Variants in PRKAR1B observed in about 807,000 individuals in gnomAD.
PRKAR1B encodes cAMP-dependent protein kinase type I-beta regulatory subunit.
Under a neutral mutation model 46.5 loss-of-function variants are expected in PRKAR1B, and 22 were observed. The ratio of observed to expected loss-of-function variants is 0.47; its 90% CI spans 0.34 to 0.68. PRKAR1B has a LOEUF of 0.68. PRKAR1B is among the 30% of genes least tolerant of loss of function. PRKAR1B has a pLI of 0.01. For missense variants in PRKAR1B, 445 were observed against 535.6 expected, an observed-to-expected ratio of 0.83 and a Z score of 1.67; for synonymous variants, 259 against 217.7, an observed-to-expected ratio of 1.19 and a Z score of -1.67.
Position 714,559 on chromosome 7 carries a change from C to T in PRKAR1B, c.-22-3032G>A, listed in dbSNP as rs189545998. 1.8e-3 allele frequency among the ~76,000 whole-genome samples: 276 copies of T among 152,320 alleles called. No individual in the cohort carries two copies. The highest frequency in any genetic ancestry group is 6.4e-3 in the African/African-American group (265 of 41,566). ...ACTGCCTCTCTCTTTCACACTTTTCCCCGCCACTCAGATCCCTGTTCCAGT... is the reference window on the plus strand; with the variant it reads ...ACTGCCTCTCTCTTTCACACTTTTCTCCGCCACTCAGATCCCTGTTCCAGT... On this transcript the variant is annotated intron_variant, in intron 1 of 10. Coordinates refer to ENST00000537384, the MANE Select transcript of PRKAR1B (RefSeq NM_001164760.2). This position sits in a 1 kb window ranked among gnomAD's most constrained non-coding sequence, Gnocchi z 4.3.
intron 4 of PRKAR1B, among the ~76,000 whole-genome samples, chr7:627,081 G>A (rs1324715237): frequency 6.6e-6 from 1 of 152,134 alleles, no homozygotes; most frequent in Non-Finnish European, 1.5e-5. Flanking sequence ...CACCATGTTG[G>A]CCAGGATGGT....
At chr7:563,135 C>T (rs764696302) in intron 9 of PRKAR1B, among the ~76,000 whole-genome samples, 4 of 152,120 alleles carry the variant, frequency 2.6e-5, no homozygotes, top group Non-Finnish European at 4.4e-5. Context: ...ATCAAACATG[C>T]CCCCAGCCCT....
intron 4 of PRKAR1B, among the ~76,000 whole-genome samples, chr7:623,826 G>A (rs761427291): frequency 6.6e-6 from 1 of 152,228 alleles, no homozygotes; most frequent in Non-Finnish European, 1.5e-5. Context: ...GCATTGGAGA[G>A]AGAAGCGCGT....
intron 2 of PRKAR1B, among the ~76,000 whole-genome samples, chr7:681,900 A>G (rs1044656380): frequency 2.0e-5 from 3 of 152,190 alleles, no homozygotes; most frequent in African/African-American, 7.2e-5. Flanking sequence ...CAGCCTAAAC[A>G]CTGACCTCCA....
Position 617,077 on chromosome 7 carries a change from T to C in PRKAR1B, c.441-9625A>G, listed in dbSNP as rs539507817. Among the ~76,000 whole-genome samples the C allele has an allele frequency of 3.6e-3, 472 of 130,868 alleles. 2 individuals carry two copies. The highest frequency in any genetic ancestry group is 0.013 in the African/African-American group (441 of 35,152). The allele number at this position is 130,868 out of a possible 152,430, so 85.9% of individuals were successfully genotyped here. On this transcript the variant is annotated intron_variant, in intron 4 of 10. Transcript: ENST00000537384. Reference sequence around the variant, plus strand: ...GGCACGATCCCAGCTCACTGCAACCTCCACCTCCCAGGTTCAAGCAATTCT... The same window carrying C: ...GGCACGATCCCAGCTCACTGCAACCCCCACCTCCCAGGTTCAAGCAATTCT...
intron 4 of PRKAR1B, among the ~76,000 whole-genome samples, chr7:674,856 A>C (rs1786488512): frequency 6.6e-6 from 1 of 152,196 alleles, no homozygotes; most frequent in Non-Finnish European, 1.5e-5. Flanking sequence ...ATCCAGCCTG[A>C]ACCAGCCACA....
intron 4 of PRKAR1B, among the ~76,000 whole-genome samples, chr7:663,963 G>GC: frequency 6.6e-6 from 1 of 152,326 alleles, no homozygotes; most frequent in Admixed American, 6.5e-5. Context: ...ACCTGGGCAA[G>GC]CCCCCCGCTG....
intron 10 of PRKAR1B, among the ~76,000 whole-genome samples, chr7:550,900 C>A (rs905508963): frequency 6.6e-6 from 1 of 151,796 alleles, no homozygotes; most frequent in African/African-American, 2.4e-5. Context: ...GACCCAGACC[C>A]CCAGCTGCAG....
chr7:596,149 A>G lies in PRKAR1B; in HGVS notation c.705T>C (p.Leu235=). Residue 235 remains leucine (L), a synonymous_variant, in exon 7 of 11, where the codon CTT becomes CTC. Transcript: ENST00000537384. Reference sequence around the variant, plus strand: ...CTGTGCTTGGGCACCAACTCACCATAAGGATGCGCCGGTAGCTGTCCCGGT... The same window carrying G: ...CTGTGCTTGGGCACCAACTCACCATGAGGATGCGCCGGTAGCTGTCCCGGT... ...GIDRDSYRRI[L]MGSTLRKRKM... 1.2e-6 allele frequency: 2 copies of G among 1,612,956 alleles called. No homozygotes were observed. The highest frequency in any genetic ancestry group is 1.3e-5 in the African/African-American group (1 of 75,020).
At chr7:632,881 CACCCGT>C (rs1161026478) in intron 4 of PRKAR1B, among the ~76,000 whole-genome samples, 1 of 152,224 alleles carries the variant, frequency 6.6e-6, no homozygotes, top group Admixed American at 6.5e-5. Flanking sequence ...CGACGGCCGG[CACCCGT>C]CAGCCCTCCT....
Position 644,084 on chromosome 7 carries a change from G to C in PRKAR1B, c.440+33145C>G, listed in dbSNP as rs1784516564. ...GCTGCTACACGGCCCACTACACTAAGCCCTAAGTCTTCATCTTGCAGACAA... is the reference window on the plus strand; with the variant it reads ...GCTGCTACACGGCCCACTACACTAACCCCTAAGTCTTCATCTTGCAGACAA... On this transcript the variant is annotated intron_variant, in intron 4 of 10. Transcript: ENST00000537384. This position sits in a 1 kb window ranked among gnomAD's most constrained non-coding sequence, Gnocchi z 4.9. Among the ~76,000 whole-genome samples the C allele has an allele frequency of 6.6e-6, 1 of 152,094 alleles. No homozygotes were observed. The highest frequency in any genetic ancestry group is 1.5e-5 in the Non-Finnish European group (1 of 68,014).
chr7:586,233 C>T (rs1369401276), intron 7 of PRKAR1B, among the ~76,000 whole-genome samples: 1 of 152,196 alleles, frequency 6.6e-6, no homozygotes, highest in South Asian at 2.1e-4. Context: ...ATTTCTGTTA[C>T]ACCTGGCATG....
chr7:615,968 CAG>C (rs562708604), intron 4 of PRKAR1B, among the ~76,000 whole-genome samples: 18 of 148,142 alleles, frequency 1.2e-4, no homozygotes, highest in South Asian at 6.5e-4. Flanking sequence ...AAAAAAGAAA[CAG>C]AAAGAGAGAA....
At chr7:680,920 G>C (rs76035365) in intron 2 of PRKAR1B, among the ~76,000 whole-genome samples, 194 bp from the exon 3 acceptor site, 4 of 152,056 alleles carry the variant, frequency 2.6e-5, no homozygotes, top group African/African-American at 9.7e-5. Context: ...ATTTCACTTT[G>C]TGTCCCCACT....
At chr7:671,442 G>T (rs575663973) in intron 4 of PRKAR1B, among the ~76,000 whole-genome samples, 1 of 152,256 alleles carries the variant, frequency 6.6e-6, no homozygotes, top group Admixed American at 6.5e-5. Flanking sequence ...GTTTGGGTGG[G>T]GTTTTGGGGG....
In PRKAR1B at chr7:550,178, G is replaced by A. The variant is rs987769777; in HGVS notation, c.*252C>T. The A allele has an allele frequency of 3.4e-5, 17 of 492,788 alleles. No homozygotes were observed. Among genetic ancestry groups the A allele is most frequent in the Non-Finnish European group, 5.1e-5 (14 of 273,150 alleles). 30.5% of individuals were successfully genotyped at this position (492,788 alleles called of 1,614,324 possible). A position where few individuals can be genotyped will look rare whatever the true frequency, so the allele number is the denominator to read the frequency against. ...AGCCCACAGAGGCAGCCGGGGAGGC[G>A]TGTGGGGAGGAAGCTGGCCTGTCCC... On this transcript the variant is annotated 3_prime_UTR_variant, in exon 11 of 11. Coordinates refer to ENST00000537384, the MANE Select transcript of PRKAR1B (RefSeq NM_001164760.2).
At chr7:552,305 C>T (rs1784278160) in intron 9 of PRKAR1B, among the ~76,000 whole-genome samples, 1 of 130,196 alleles carries the variant, frequency 7.7e-6, no homozygotes, top group African/African-American at 3.0e-5. Context: ...ACCCAAACCC[C>T]CACCTCCCGC....
In PRKAR1B at chr7:549,872, G is replaced by A. The variant is rs527308417; in HGVS notation, c.*558C>T. 4.8e-4 allele frequency: 75 copies of A among 155,596 alleles called. No individual in the cohort carries two copies. The highest frequency in any genetic ancestry group is 8.6e-4 in the Non-Finnish European group (60 of 69,944). 9.6% of individuals were successfully genotyped at this position (155,596 alleles called of 1,614,324 possible). A position where few individuals can be genotyped will look rare whatever the true frequency, so the allele number is the denominator to read the frequency against. ...CTCCGGCATCCGCAGCAGGGCCCCC[G>A]GGGGAGGTGGGGGTGCGGCGGGGTG... On this transcript the variant is annotated 3_prime_UTR_variant, in exon 11 of 11. Coordinates refer to ENST00000537384, the MANE Select transcript of PRKAR1B (RefSeq NM_001164760.2).
intron 2 of PRKAR1B, among the ~76,000 whole-genome samples, chr7:699,300 C>A (rs1023854935): frequency 6.6e-6 from 1 of 152,064 alleles, no homozygotes; most frequent in Non-Finnish European, 1.5e-5. Flanking sequence ...CGTGAGAATT[C>A]GATGAGATAA....
Sources: gnomAD v4.1 joint callset for allele counts (sites outside exome capture counted in the v4.1 genomes callset) on GRCh38, gnomAD v4.1.1 for gene constraint, Gnocchi (gnomAD v3.1) non-coding constraint, MANE v1.5 for transcripts, NCBI Gene and HGNC (gene_info 2026-07-23, HGNC 2026-07-21) for gene names.